The following DRC11L variants were observed in gnomAD, a reference collection of about 807,000 sequenced individuals.
The protein encoded by DRC11L is dynein regulatory complex subunit like-11.
the DRC11L span, among the ~76,000 whole-genome samples, chr7:151,200,932 C>T: frequency 6.6e-6 from 1 of 152,234 alleles, no homozygotes; most frequent in South Asian, 2.1e-4. Flanking sequence ...CCCAAGACCC[C>T]ATCTGTGCAG....
chr7:151,198,878 A>G, the DRC11L span: 1 of 399,108 alleles, frequency 2.5e-6, no homozygotes, highest in Non-Finnish European at 4.4e-6. Flanking sequence ...CCAGAGAATC[A>G]TGGGCCTTCA....
chr7:151,193,251 G>A, the DRC11L span: 1 of 399,132 alleles, frequency 2.5e-6, no homozygotes, highest in Non-Finnish European at 4.4e-6. Flanking sequence ...GTTGCCACAG[G>A]TCTGAGAACC....
At chr7:151,202,378 G>A in the DRC11L span, among the ~76,000 whole-genome samples, 1 of 152,122 alleles carries the variant, frequency 6.6e-6, no homozygotes, top group African/African-American at 2.4e-5. Flanking sequence ...TTTCTGGAGT[G>A]ATCATCTATT....
the DRC11L span, among the ~76,000 whole-genome samples, chr7:151,204,340 T>A: frequency 6.6e-6 from 1 of 152,266 alleles, no homozygotes; most frequent in Admixed American, 6.5e-5. Context: ...ACCAGGGATA[T>A]CCGTGGGGTG....
At chr7:151,199,688 C>T in the DRC11L span, among the ~76,000 whole-genome samples, 2 of 152,090 alleles carry the variant, frequency 1.3e-5, no homozygotes, top group African/African-American at 4.8e-5. This position sits in a 1 kb window ranked among gnomAD's most constrained non-coding sequence, Gnocchi z 5.2. Flanking sequence ...GGAAGGCTCC[C>T]TTCCCTCCAA....
At chr7:151,204,241 C>A in the DRC11L span, among the ~76,000 whole-genome samples, 1 of 152,214 alleles carries the variant, frequency 6.6e-6, no homozygotes, top group Non-Finnish European at 1.5e-5. Flanking sequence ...CACCCCCCAC[C>A]GCCAAGGTTC....
At chr7:151,197,087 C>T in the DRC11L span, 1 of 399,826 alleles carries the variant, frequency 2.5e-6, no homozygotes, top group Non-Finnish European at 4.4e-6. Context: ...TTGACTTCCT[C>T]ACCTCTGCCT....
chr7:151,203,146 A>G, the DRC11L span: 1 of 399,090 alleles, frequency 2.5e-6, no homozygotes, highest in East Asian at 3.6e-5. Flanking sequence ...GAGAGCTTGC[A>G]TCCAGGGTGG....
chr7:151,197,256 TC>T, the DRC11L span: 1 of 399,448 alleles, frequency 2.5e-6, no homozygotes, highest in Non-Finnish European at 4.4e-6. Context: ...TTTCATCCTT[TC>T]CTTTTTCCTT....
the DRC11L span, among the ~76,000 whole-genome samples, chr7:151,199,657 G>A: frequency 6.6e-6 from 1 of 152,114 alleles, no homozygotes; most frequent in African/African-American, 2.4e-5. The surrounding 1 kb of genome is among the most constrained non-coding windows in gnomAD (Gnocchi z 5.2). Flanking sequence ...CTCCCAGCCT[G>A]CCAAGATGTC....
chr7:151,195,513 T>C, the DRC11L span: 3 of 399,876 alleles, frequency 7.5e-6, no homozygotes, highest in Non-Finnish European at 1.3e-5. Context: ...CGTAGGTCAC[T>C]GTGCCCTGTT....
the DRC11L span, chr7:151,193,563 A>G: frequency 2.5e-6 from 1 of 399,210 alleles, no homozygotes; most frequent in African/African-American, 2.1e-5. Flanking sequence ...ATGACTGCGT[A>G]AGGTCAGGCC....
the DRC11L span, among the ~76,000 whole-genome samples, chr7:151,203,924 A>G: frequency 6.6e-6 from 1 of 152,222 alleles, no homozygotes; most frequent in African/African-American, 2.4e-5. Flanking sequence ...AGTCTTGGAT[A>G]TGAAGCAGTT....
the DRC11L span, chr7:151,204,791 C>T: frequency 1.0e-5 from 4 of 399,014 alleles, no homozygotes; most frequent in African/African-American, 2.1e-5. Flanking sequence ...GGTCCAGCAG[C>T]TCCTGCAGGG....
chr7:151,192,023 A>G, the DRC11L span: 157 of 397,982 alleles, frequency 3.9e-4, no homozygotes, highest in Non-Finnish European at 6.2e-4. Flanking sequence ...TTCCCCAGGG[A>G]AGGTACTGGA....
the DRC11L span, chr7:151,196,592 G>A: frequency 5.0e-6 from 2 of 399,630 alleles, no homozygotes; most frequent in East Asian, 3.6e-5. Context: ...GAAGGTCAGA[G>A]TGCCGGGTGC....
At chr7:151,196,787 C>T in the DRC11L span, among the ~76,000 whole-genome samples, 1 of 152,234 alleles carries the variant, frequency 6.6e-6, no homozygotes, top group African/African-American at 2.4e-5. Flanking sequence ...AGAATTCAGA[C>T]CCAAATCTGT....
chr7:151,202,079 C>T, the DRC11L span, among the ~76,000 whole-genome samples: 1 of 152,108 alleles, frequency 6.6e-6, no homozygotes, highest in African/African-American at 2.4e-5. Flanking sequence ...AACCTTAGGG[C>T]AGAGAAGGGC....
the DRC11L span, chr7:151,197,939 T>G: frequency 2.5e-6 from 1 of 397,940 alleles, no homozygotes; most frequent in African/African-American, 2.1e-5. Context: ...GACAGAAAGA[T>G]GAATAGATGG....
Sources: allele counts gnomAD v4.1 joint callset (sites outside exome capture counted in the v4.1 genomes callset), GRCh38; gene constraint gnomAD v4.1.1; non-coding constraint Gnocchi (gnomAD v3.1); transcripts MANE v1.5; gene names NCBI Gene and HGNC (gene_info 2026-07-23, HGNC 2026-07-21).